The following CLPTM1 variants were observed in gnomAD, a reference collection of about 807,000 sequenced individuals.
CLPTM1 encodes putative lipid scramblase CLPTM1.
In CLPTM1, 21 loss-of-function variants were observed where a neutral mutation model predicts 77.3. That is an observed-to-expected ratio of 0.27 (90% CI 0.19 to 0.39). CLPTM1 has a LOEUF of 0.39. CLPTM1 is among the 10% of genes least tolerant of loss of function. The pLI is 1.00. For missense variants in CLPTM1, 642 were observed against 921.2 expected (o/e 0.70, Z 3.92); for synonymous variants, 373 against 381.0 (o/e 0.98, Z 0.24).
In CLPTM1 at chr19:44,983,839, G is replaced by A. The variant is rs142231670; in HGVS notation, c.587-1379G>A. Among the ~76,000 whole-genome samples the A allele has an allele frequency of 6.3e-4, 96 of 152,116 alleles. No individual in the cohort carries two copies. In the Middle Eastern group the frequency reaches 0.017, roughly 27 times the overall value. On this transcript the variant is annotated intron_variant, in intron 5 of 13. Transcript: ENST00000337392. Reference sequence around the variant, plus strand: ...TAGCAGAGCCTGGTGGCACACGCCTGTAATCCCAGCTACTTGAGAGGCTGA... The same window carrying A: ...TAGCAGAGCCTGGTGGCACACGCCTATAATCCCAGCTACTTGAGAGGCTGA...
chr19:44,972,960 GC>G, intron 2 of CLPTM1, 126 bp from the exon 3 acceptor site: 1 of 1,310,664 alleles, frequency 7.6e-7, no homozygotes, highest in South Asian at 1.4e-5. Flanking sequence ...CCTTCTCAGG[GC>G]CTCCCTGACT....
chr19:44,970,818 A>C (rs1970705681), intron 2 of CLPTM1, among the ~76,000 whole-genome samples: 3 of 128,128 alleles, frequency 2.3e-5, no homozygotes, highest in Admixed American at 7.7e-5. Context: ...CAAATCCAAG[A>C]TCCTTTACTT....
At chr19:44,984,328 C>G (rs1970945715) in intron 5 of CLPTM1, 1 of 152,358 alleles carries the variant, frequency 6.6e-6, no homozygotes, top group African/African-American at 2.4e-5. Context: ...CAGGGACAGA[C>G]AGCAGGCAGG....
chr19:44,991,860 A>T lies in CLPTM1; in HGVS notation c.1556-373A>T, dbSNP rs1971080747. On this transcript the variant is annotated intron_variant, in intron 12 of 13. Coordinates refer to ENST00000337392, the MANE Select transcript of CLPTM1 (RefSeq NM_001294.4). The surrounding 1 kb of genome is among the most constrained non-coding windows in gnomAD (Gnocchi z 5.4). ...GTTGAAGCTGCAGTGAGCCATGATT[A>T]CGCCACTGCACTCCAGCCTGGGTGA... 6.6e-6 allele frequency among the ~76,000 whole-genome samples: 1 copy of T among 152,050 alleles called. No homozygotes were observed. The highest frequency in any genetic ancestry group is 2.4e-5 in the African/African-American group (1 of 41,390).
chr19:44,986,689 C>A, intron 7 of CLPTM1, 114 bp downstream of exon 7: 1 of 1,359,788 alleles, frequency 7.4e-7, no homozygotes, highest in Non-Finnish European at 9.9e-7. Context: ...AGGGCTCCAC[C>A]CTCCCAAGCT....
At chr19:44,975,626 G>A (rs904094296) in intron 4 of CLPTM1, among the ~76,000 whole-genome samples, 3 of 151,818 alleles carry the variant, frequency 2.0e-5, no homozygotes, top group Admixed American at 6.6e-5. Flanking sequence ...GGGCAGTGGC[G>A]CAACCTTGGC....
intron 2 of CLPTM1, among the ~76,000 whole-genome samples, chr19:44,964,557 C>T (rs1453617585): frequency 3.3e-5 from 5 of 151,994 alleles, no homozygotes; most frequent in Admixed American, 6.6e-5. Flanking sequence ...GTGATCCACC[C>T]GCCTCAGCCT....
At chr19:44,961,529 C>T (rs1366168250) in intron 1 of CLPTM1, among the ~76,000 whole-genome samples, 1 of 152,192 alleles carries the variant, frequency 6.6e-6, no homozygotes, top group Non-Finnish European at 1.5e-5. Context: ...GCACCTGCTG[C>T]TTCTCTCACT....
intron 2 of CLPTM1, 96 bp downstream of exon 2, chr19:44,962,171 T>C (rs1204285714): frequency 3.0e-6 from 2 of 656,384 alleles, no homozygotes; most frequent in South Asian, 2.3e-5. Flanking sequence ...ATGGTGATCA[T>C]TACTGTATGG....
At chr19:44,967,792 C>T (rs547771532) in intron 2 of CLPTM1, among the ~76,000 whole-genome samples, 3 of 152,278 alleles carry the variant, frequency 2.0e-5, no homozygotes, top group African/African-American at 7.2e-5. Context: ...GAAACCTCCC[C>T]ACTCTGTTAA....
At chr19:44,963,979 G>GGGTTTCA (rs1251680323) in intron 2 of CLPTM1, among the ~76,000 whole-genome samples, 1 of 150,848 alleles carries the variant, frequency 6.6e-6, no homozygotes, top group Non-Finnish European at 1.5e-5. Flanking sequence ...TGTTGACCAG[G>GGGTTTCA]CTGGTCTCGA....
intron 2 of CLPTM1, among the ~76,000 whole-genome samples, chr19:44,969,587 A>G (rs1189882351): frequency 1.3e-5 from 2 of 152,052 alleles, no homozygotes; most frequent in Non-Finnish European, 2.9e-5. Context: ...TTATCCTCAT[A>G]GCCCAAGACA....
intron 6 of CLPTM1, among the ~76,000 whole-genome samples, chr19:44,986,195 A>G (rs1224303400): frequency 6.6e-6 from 1 of 152,050 alleles, no homozygotes; most frequent in Non-Finnish European, 1.5e-5. Flanking sequence ...CAAAAAAGAG[A>G]AAAAAGAAAG....
intron 2 of CLPTM1, among the ~76,000 whole-genome samples, chr19:44,967,188 G>T (rs559207438): frequency 5.9e-5 from 9 of 152,184 alleles, no homozygotes; most frequent in African/African-American, 2.2e-4. Flanking sequence ...GTGTGATGGC[G>T]CACACCTGTA....
chr19:44,974,004 T>TGTAG (rs1292284586), intron 3 of CLPTM1, among the ~76,000 whole-genome samples: 1 of 152,026 alleles, frequency 6.6e-6, no homozygotes, highest in Non-Finnish European at 1.5e-5. Context: ...CCTCAAGTGG[T>TGTAG]CTACCCGCCT....
chr19:44,955,535 T>C (rs766150959), intron 1 of CLPTM1, 68 bp downstream of exon 1: 191 of 1,228,646 alleles, frequency 1.6e-4, no homozygotes, highest in Non-Finnish European at 1.9e-4. Flanking sequence ...GGGCGTGTCC[T>C]ACCTCTTGTC....
At chr19:44,956,094 G>C (rs1413175763) in intron 1 of CLPTM1, among the ~76,000 whole-genome samples, 1 of 152,198 alleles carries the variant, frequency 6.6e-6, no homozygotes, top group South Asian at 2.1e-4. Context: ...GATGACTTCT[G>C]CCCCACTGCT....
At chr19:44,955,234 T>C (rs1970439978), upstream of CLPTM1, 3 of 1,504,938 alleles carry the variant, frequency 2.0e-6, no homozygotes, top group Non-Finnish European at 1.8e-6. Context: ...AGGTTGGTCC[T>C]TCCATAGCCG....
In CLPTM1 at chr19:44,977,408, C is replaced by A; in HGVS notation, c.534C>A (p.Asp178Glu). ...TCACCAAGAGTGGCTTCCACCCAGA[C>A]CCCCGGCAGAAGGCCCTGTACCGCC... ...VYFTKSGFHP[D>E]PRQKALYRRL... The change falls in exon 5 of 14, where the codon GAC becomes GAA. Residue 178 changes from aspartate to glutamate, a missense_variant. Asp to Glu is a conservative substitution (Grantham distance 45, BLOSUM62 2). Around this residue, in one of 2 missense-constraint regions of CLPTM1, gnomAD observed 521 missense variants for 800.4 expected, o/e 0.65. Coordinates refer to ENST00000337392, the MANE Select transcript of CLPTM1 (RefSeq NM_001294.4). The A allele has an allele frequency of 6.2e-7, 1 of 1,609,854 alleles. No homozygotes were observed. The highest frequency in any genetic ancestry group is 8.5e-7 in the Non-Finnish European group (1 of 1,179,972).
Sources: gnomAD v4.1 joint callset for allele counts (sites outside exome capture counted in the v4.1 genomes callset) on GRCh38, gnomAD v4.1.1 for gene constraint, gnomAD v4.1.1 regional missense constraint, Gnocchi (gnomAD v3.1) non-coding constraint, MANE v1.5 for transcripts, NCBI Gene and HGNC (gene_info 2026-07-23, HGNC 2026-07-21) for gene names.